The following ARL15 variants were observed in gnomAD, a reference collection of about 807,000 sequenced individuals.
ARL15 encodes ARF like GTPase 15.
Under a neutral mutation model 25.2 loss-of-function variants are expected in ARL15, and 19 were observed. The observed-to-expected ratio is 0.75, with a 90% CI of 0.53 to 1.10. The LOEUF (loss-of-function observed/expected upper bound fraction) is 1.10. ARL15 is among the 50% of genes least tolerant of loss of function. The probability of loss-of-function intolerance (pLI) is 0.00; values close to 1 mark genes in which losing one functional copy is unlikely to be tolerated. For missense variants in ARL15, 220 were observed against 246.0 expected (o/e 0.89, Z 0.71); for synonymous variants, 94 against 86.8 (o/e 1.08, Z -0.46).
At chr5:54,277,996 G>C (rs1173750633) in intron 1 of ARL15, among the ~76,000 whole-genome samples, 1 of 152,146 alleles carries the variant, frequency 6.6e-6, no homozygotes, top group Non-Finnish European at 1.5e-5. Flanking sequence ...AAGATTCACT[G>C]GCCCTAGCTT....
intron 1 of ARL15, among the ~76,000 whole-genome samples, chr5:54,210,483 T>C (rs942860653): frequency 2.6e-5 from 4 of 152,214 alleles, no homozygotes; most frequent in African/African-American, 9.7e-5. Context: ...TGAAATATAT[T>C]ATATTTGATT....
intron 1 of ARL15, among the ~76,000 whole-genome samples, chr5:54,218,181 C>T (rs574476591): frequency 6.6e-6 from 1 of 152,270 alleles, no homozygotes; most frequent in African/African-American, 2.4e-5. Flanking sequence ...AAAGAAGTAA[C>T]ATTCAGATTG....
intron 3 of ARL15, among the ~76,000 whole-genome samples, chr5:54,149,897 T>C (rs568802319): frequency 2.0e-5 from 3 of 152,268 alleles, no homozygotes; most frequent in Admixed American, 1.3e-4. Context: ...TAAAAGACTA[T>C]ATAGGAAAAC....
At chr5:54,152,855 T>C (rs1356234785) in intron 3 of ARL15, among the ~76,000 whole-genome samples, 1 of 152,220 alleles carries the variant, frequency 6.6e-6, no homozygotes, top group Non-Finnish European at 1.5e-5. Flanking sequence ...TCCCACCTTA[T>C]GTACCTCTAG....
intron 4 of ARL15, among the ~76,000 whole-genome samples, chr5:54,107,152 T>C (rs1209584739): frequency 6.6e-6 from 1 of 152,100 alleles, no homozygotes; most frequent in South Asian, 2.1e-4. Context: ...CGGAACCCCG[T>C]GATAAATCCA....
chr5:54,194,262 T>C (rs1481713369), intron 1 of ARL15, among the ~76,000 whole-genome samples: 1 of 152,208 alleles, frequency 6.6e-6, no homozygotes, highest in East Asian at 1.9e-4. Context: ...ATGGACCCAC[T>C]GCGATGTTCA....
intron 1 of ARL15, among the ~76,000 whole-genome samples, chr5:54,281,762 G>A (rs1487622575): frequency 6.6e-6 from 1 of 152,094 alleles, no homozygotes; most frequent in African/African-American, 2.4e-5. Flanking sequence ...GTATTGCTTA[G>A]TTCTACTGTA....
At chr5:54,125,080 G>GTTTTT (rs1469132382) in intron 3 of ARL15, among the ~76,000 whole-genome samples, 11 of 142,052 alleles carry the variant, frequency 7.7e-5, no homozygotes, top group African/African-American at 2.7e-4. Flanking sequence ...GTTTTGTTTT[G>GTTTTT]TTTTGTTTTT....
chr5:54,209,236 A>C (rs1015222059), intron 1 of ARL15, among the ~76,000 whole-genome samples: 2 of 152,176 alleles, frequency 1.3e-5, no homozygotes, highest in African/African-American at 4.8e-5. Context: ...CTCAATTTCC[A>C]AAGCAGAAGC....
At chr5:54,224,147 A>G (rs549835754) in intron 1 of ARL15, among the ~76,000 whole-genome samples, 8 of 152,304 alleles carry the variant, frequency 5.3e-5, no homozygotes, top group Non-Finnish European at 8.8e-5. Context: ...AGCGAAGGCA[A>G]TCACAAGGAG....
At chr5:54,210,377 T>C (rs1157857183) in intron 1 of ARL15, among the ~76,000 whole-genome samples, 1 of 152,212 alleles carries the variant, frequency 6.6e-6, no homozygotes, top group Admixed American at 6.5e-5. Flanking sequence ...CCACTCACTT[T>C]CCAGCCAATT....
intron 4 of ARL15, among the ~76,000 whole-genome samples, chr5:54,013,308 G>T (rs1406939996): frequency 6.6e-6 from 1 of 152,216 alleles, no homozygotes; most frequent in South Asian, 2.1e-4. Context: ...TTATGACAGT[G>T]AGAGAAGTCT....
At chr5:54,099,005 T>A (rs1241914444) in intron 4 of ARL15, among the ~76,000 whole-genome samples, 1 of 152,122 alleles carries the variant, frequency 6.6e-6, no homozygotes, top group Non-Finnish European at 1.5e-5. Flanking sequence ...CTCTTGAGCC[T>A]TCAAAGAGGG....
chr5:54,086,840 G>A (rs1201604198), intron 4 of ARL15, among the ~76,000 whole-genome samples: 2 of 152,154 alleles, frequency 1.3e-5, no homozygotes, highest in African/African-American at 2.4e-5. Flanking sequence ...AGTTCCTCTA[G>A]GCGGTTGACT....
chr5:54,310,112 C>T (rs1004405292), intron 1 of ARL15, among the ~76,000 whole-genome samples: 6 of 152,320 alleles, frequency 3.9e-5, no homozygotes, highest in African/African-American at 1.4e-4. Flanking sequence ...GCGGAGAGCG[C>T]AGAGGGAAGC....
At chr5:54,023,687 C>T (rs255751) in intron 4 of ARL15, among the ~76,000 whole-genome samples, 100,634 of 152,016 alleles carry the variant, frequency 0.66, 33,598 homozygotes, top group East Asian at 0.84. Flanking sequence ...CAATCCTCTG[C>T]GCCTCCCAAA....
At chr5:53,910,419 G>A (rs1055156621) in intron 4 of ARL15, among the ~76,000 whole-genome samples, 1 of 151,750 alleles carries the variant, frequency 6.6e-6, no homozygotes, top group African/African-American at 2.4e-5. Context: ...GTAAGAAAAG[G>A]CCACAAGAAA....
intron 4 of ARL15, among the ~76,000 whole-genome samples, chr5:54,023,297 A>G (rs1188086794): frequency 2.8e-5 from 1 of 35,618 alleles, no homozygotes; most frequent in African/African-American, 8.0e-5. Context: ...CTAAACAGAC[A>G]CATTTAAAAA....
chr5:53,886,372 G>T lies in ARL15; in HGVS notation c.*189C>A. ...AATTCTCTCTCAGTAGTGTGTACTT[G>T]ACGTTAATGCCGATGATAATTCATC... On this transcript the variant is annotated 3_prime_UTR_variant, in exon 5 of 5. Coordinates refer to ENST00000504924, the MANE Select transcript of ARL15 (RefSeq NM_019087.3). The T allele has an allele frequency of 1.7e-6, 1 of 599,670 alleles. No individual in the cohort carries two copies. Among genetic ancestry groups the T allele is most frequent in the Non-Finnish European group, 2.8e-6 (1 of 353,862 alleles). 37.1% of individuals were successfully genotyped at this position (599,670 alleles called of 1,614,324 possible).
Sources: allele counts gnomAD v4.1 joint callset (sites outside exome capture counted in the v4.1 genomes callset), GRCh38; gene constraint gnomAD v4.1.1; transcripts MANE v1.5; gene names NCBI Gene and HGNC (gene_info 2026-07-23, HGNC 2026-07-21).